The following SGCZ variants were observed in gnomAD, a reference collection of about 807,000 sequenced individuals.
The protein encoded by SGCZ is sarcoglycan zeta.
In SGCZ, 40 loss-of-function variants were observed where a neutral mutation model predicts 41.3. The observed-to-expected ratio is 0.97, with a 90% CI of 0.75 to 1.26. SGCZ has a LOEUF of 1.26. Among genes scored for constraint, SGCZ ranks in the 50% most tolerant of loss-of-function variants. The pLI, the probability that SGCZ is intolerant of heterozygous loss-of-function variation, is 0.00. For missense variants in SGCZ, 552 were observed against 369.8 expected, an observed-to-expected ratio of 1.49 and a Z score of -4.04; for synonymous variants, 206 against 137.5, an observed-to-expected ratio of 1.50 and a Z score of -3.49.
intron 1 of SGCZ, among the ~76,000 whole-genome samples, chr8:14,985,226 G>A (rs991467089): frequency 5.3e-5 from 8 of 152,082 alleles, no homozygotes; most frequent in Non-Finnish European, 8.8e-5. Flanking sequence ...CTGTATCAAG[G>A]TGCCTTTTTT....
intron 1 of SGCZ, among the ~76,000 whole-genome samples, chr8:14,991,477 T>C (rs80270176): frequency 0.026 from 4,018 of 152,250 alleles, 117 homozygotes; most frequent in East Asian, 0.15. Flanking sequence ...TTCTAGGGCT[T>C]TGAGTGGCTC....
chr8:14,720,929 T>G (rs2130183072), intron 1 of SGCZ, among the ~76,000 whole-genome samples: 1 of 152,168 alleles, frequency 6.6e-6, no homozygotes, highest in Admixed American at 6.5e-5. Flanking sequence ...TTTTAATTTT[T>G]TTTATGATTA....
intron 1 of SGCZ, among the ~76,000 whole-genome samples, chr8:15,173,470 C>A (rs1799908934): frequency 6.6e-6 from 1 of 152,040 alleles, no homozygotes; most frequent in South Asian, 2.1e-4. Flanking sequence ...CTAGGGCTCA[C>A]TGAATGTAGA....
chr8:14,356,737 A>G (rs1009278169), intron 2 of SGCZ, among the ~76,000 whole-genome samples: 1 of 152,086 alleles, frequency 6.6e-6, no homozygotes, highest in Admixed American at 6.5e-5. Flanking sequence ...TATTTTTAAT[A>G]TTGTCTTTTC....
At chr8:14,687,765 G>A (rs1337784105) in intron 1 of SGCZ, among the ~76,000 whole-genome samples, 4 of 151,862 alleles carry the variant, frequency 2.6e-5, no homozygotes, top group East Asian at 1.9e-4. Context: ...CTGAGGAATC[G>A]CCACACTGAC....
At chr8:14,754,257 T>C (rs1799588812) in intron 1 of SGCZ, among the ~76,000 whole-genome samples, 1 of 152,168 alleles carries the variant, frequency 6.6e-6, no homozygotes, top group Non-Finnish European at 1.5e-5. Context: ...GTTCTACTAT[T>C]TGAAACCGTA....
At chr8:14,270,121 C>T (rs1800009785) in intron 3 of SGCZ, among the ~76,000 whole-genome samples, 1 of 151,954 alleles carries the variant, frequency 6.6e-6, no homozygotes, top group Admixed American at 6.6e-5. Flanking sequence ...CCCCTGAGGT[C>T]AGGAGTTCAA....
intron 1 of SGCZ, among the ~76,000 whole-genome samples, chr8:14,797,476 G>C (rs1801172725): frequency 6.6e-6 from 1 of 152,178 alleles, no homozygotes; most frequent in Admixed American, 6.5e-5. Context: ...AGATTATTTA[G>C]GCTATCTGGC....
intron 4 of SGCZ, among the ~76,000 whole-genome samples, chr8:14,171,252 G>T (rs976323041): frequency 1.4e-5 from 2 of 145,576 alleles, no homozygotes; most frequent in Non-Finnish European, 1.5e-5. Context: ...GGGTAGTTTT[G>T]CATAAGTTGT....
intron 7 of SGCZ, among the ~76,000 whole-genome samples, chr8:14,099,245 G>A (rs1056716461): frequency 2.6e-5 from 4 of 152,022 alleles, no homozygotes; most frequent in African/African-American, 9.7e-5. Flanking sequence ...TTCACTTTCC[G>A]ACTTCTAAAA....
chr8:14,894,415 G>T (rs1352583510), intron 1 of SGCZ, among the ~76,000 whole-genome samples: 2 of 152,078 alleles, frequency 1.3e-5, no homozygotes, highest in African/African-American at 4.8e-5. Context: ...GAAAGGAAAA[G>T]CTTGACTTTG....
intron 1 of SGCZ, among the ~76,000 whole-genome samples, chr8:15,003,288 T>C (rs1802491218): frequency 6.6e-6 from 1 of 152,112 alleles, no homozygotes; most frequent in African/African-American, 2.4e-5. Flanking sequence ...TGAAATAGAA[T>C]GAGAACTGAG....
At chr8:15,121,641 T>G (rs990812126) in intron 1 of SGCZ, among the ~76,000 whole-genome samples, 8 of 152,156 alleles carry the variant, frequency 5.3e-5, no homozygotes, top group African/African-American at 1.9e-4. Context: ...CATAAAGAGT[T>G]AGAGAAGATC....
intron 1 of SGCZ, among the ~76,000 whole-genome samples, chr8:15,056,920 G>A (rs1804727504): frequency 6.6e-6 from 1 of 152,192 alleles, no homozygotes; most frequent in Non-Finnish European, 1.5e-5. Context: ...GTTTCTGACA[G>A]GCAAGCTGAA....
intron 1 of SGCZ, among the ~76,000 whole-genome samples, chr8:14,592,555 G>A (rs1175390659): frequency 2.6e-5 from 4 of 151,062 alleles, no homozygotes; most frequent in African/African-American, 9.7e-5. Flanking sequence ...ATATTATTGA[G>A]TCTTAAAACA....
At chr8:14,723,487 C>T (rs750219528) in intron 1 of SGCZ, among the ~76,000 whole-genome samples, 54 of 152,192 alleles carry the variant, frequency 3.5e-4, no homozygotes, top group Non-Finnish European at 3.8e-4. Flanking sequence ...CCTTAGCAGG[C>T]GTGGAGCTGG....
intron 1 of SGCZ, among the ~76,000 whole-genome samples, chr8:15,155,379 T>C (rs1206517667): frequency 1.3e-5 from 2 of 152,236 alleles, no homozygotes; most frequent in Non-Finnish European, 2.9e-5. Flanking sequence ...TGTATGCATG[T>C]ATTGAAATAT....
intron 2 of SGCZ, among the ~76,000 whole-genome samples, chr8:14,440,912 T>C (rs1800242079): frequency 6.6e-6 from 1 of 151,892 alleles, no homozygotes; most frequent in Non-Finnish European, 1.5e-5. Context: ...TTTACGTAAA[T>C]TTCATTAGAT....
Position 14,088,049 on chromosome 8 carries a change from G to A in SGCZ, c.*2394C>T, listed in dbSNP as rs900274662. Among the ~76,000 whole-genome samples the A allele has an allele frequency of 2.6e-5, 4 of 151,462 alleles. No homozygotes were observed. The highest frequency in any genetic ancestry group is 4.8e-5 in the African/African-American group (2 of 41,322). On this transcript the variant is annotated 3_prime_UTR_variant, in exon 8 of 8. Transcript: ENST00000382080. ...AATGTGTCAGTCCCTCACTGGAATC[G>A]GTTTTTACATCTTTTTTTCTCACTT...
Sources: allele counts gnomAD v4.1 joint callset (sites outside exome capture counted in the v4.1 genomes callset), GRCh38; gene constraint gnomAD v4.1.1; transcripts MANE v1.5; gene names NCBI Gene and HGNC (gene_info 2026-07-23, HGNC 2026-07-21).